CSK: variants seen among roughly 807,000 people sequenced by gnomAD.
The protein encoded by CSK is C-terminal Src kinase.
In CSK, 7 loss-of-function variants were observed where a neutral mutation model predicts 62.3. The observed-to-expected ratio is 0.11, with a 90% CI of 0.06 to 0.21. The LOEUF (loss-of-function observed/expected upper bound fraction) is 0.21. Among genes scored for constraint, CSK ranks in the 10% least tolerant of loss-of-function variants. The probability of loss-of-function intolerance (pLI) is 1.00; values close to 1 mark genes in which losing one functional copy is unlikely to be tolerated. For missense variants in CSK, 294 were observed against 613.5 expected (o/e 0.48, Z 5.50); for synonymous variants, 237 against 246.0 (o/e 0.96, Z 0.34).
At position 74,798,787 on chromosome 15, in the gene CSK, G is replaced by A. The variant is rs1294147495; in HGVS notation, c.130-39G>A. 4.4e-6 allele frequency: 7 copies of A among 1,606,072 alleles called. No individual in the cohort carries two copies. The highest frequency in any genetic ancestry group is 1.3e-5 in the African/African-American group (1 of 74,844). ...GCTGGGCCTTCCCTCTGCAGGGGGA[G>A]GTGGGCCTGAGAGCATGTCTGGGCT... On this transcript the variant is annotated intron_variant, in intron 3 of 12. Coordinates refer to ENST00000220003, the MANE Select transcript of CSK (RefSeq NM_004383.3). This position sits in a 1 kb window ranked among gnomAD's most constrained non-coding sequence, Gnocchi z 6.6.
chr15:74,785,048 G>A (rs1347640750), intron 1 of CSK, among the ~76,000 whole-genome samples: 1 of 152,150 alleles, frequency 6.6e-6, no homozygotes. Flanking sequence ...TCATTTTCTT[G>A]ATTTAGAAAA....
intron 1 of CSK, among the ~76,000 whole-genome samples, chr15:74,795,293 C>T (rs759601631): frequency 6.6e-5 from 10 of 152,228 alleles, no homozygotes; most frequent in Admixed American, 1.3e-4. Context: ...TGTCTTCTCC[C>T]GCGCCACTGC....
chr15:74,794,967 T>C (rs1200175613), intron 1 of CSK, among the ~76,000 whole-genome samples: 1 of 152,134 alleles, frequency 6.6e-6, no homozygotes, highest in Non-Finnish European at 1.5e-5. Flanking sequence ...TCCCCTACAG[T>C]GTCCCCTGAG....
At position 74,800,665 on chromosome 15, in the gene CSK, T is replaced by G. The variant is rs34499151; in HGVS notation, c.557-16T>G. On this transcript the variant is annotated splice_polypyrimidine_tract_variant and intron_variant, in intron 6 of 12. Transcript: ENST00000220003. ...TCCCTAGTGGCCTCCAGGCCCTCAC[T>G]GGCCCCTCCCCACAGGCGGCTGGGC... is the stretch of plus-strand genomic sequence containing the variant. 7 of 1,541,820 alleles carry G rather than the reference T, an allele frequency of 4.5e-6. No homozygotes were observed. Among genetic ancestry groups the G allele is most frequent in the Admixed American group, 2.0e-5 (1 of 50,476 alleles).
Position 74,798,956 on chromosome 15 carries a change from G to C in CSK, c.242+18G>C. On this transcript the variant is annotated intron_variant, in intron 4 of 12. Transcript: ENST00000220003. The surrounding 1 kb of genome is among the most constrained non-coding windows in gnomAD (Gnocchi z 6.6). The stretch of plus-strand genomic sequence containing the variant: ...CTCATGCCGTGAGTACCACGAGGAG[G>C]GGTTGGGGAGGGAAGGGGCCTTGGT... 1 of 1,486,790 alleles carries C rather than the reference G, an allele frequency of 6.7e-7. No homozygotes were observed. The highest frequency in any genetic ancestry group is 8.8e-7 in the Non-Finnish European group (1 of 1,131,028). 92.1% of individuals were successfully genotyped at this position (1,486,790 alleles called of 1,614,324 possible). A position where few individuals can be genotyped will look rare whatever the true frequency, so the allele number is the denominator to read the frequency against.
intron 1 of CSK, among the ~76,000 whole-genome samples, chr15:74,786,013 T>TTTTGTGTG: frequency 8.4e-5 from 4 of 47,836 alleles, no homozygotes; most frequent in African/African-American, 2.0e-4. Context: ...TTTTTTTTTT[T>TTTTGTGTG]TGTGTGTGTG....
At chr15:74,802,193 C>A in intron 12 of CSK, 110 bp downstream of exon 12, 1 of 1,418,082 alleles carries the variant, frequency 7.1e-7, no homozygotes, top group Non-Finnish European at 9.6e-7. Context: ...AAGCCTCAGG[C>A]CTGCCCTGGG....
At position 74,802,463 on chromosome 15, in the gene CSK, C is replaced by G; in HGVS notation, c.1303C>G (p.Gln435Glu). 6 of 1,612,846 alleles carry G rather than the reference C, an allele frequency of 3.7e-6. No homozygotes were observed. The highest frequency in any genetic ancestry group is 5.1e-6 in the Non-Finnish European group (6 of 1,179,778). Reference protein sequence around the residue: ...LDAAMRPSFLQLREQLEHIKT... With the variant: ...LDAAMRPSFLELREQLEHIKT... The stretch of plus-strand genomic sequence containing the variant: ...CGCCGCCATGCGGCCCTCCTTCCTA[C>G]AGCTCCGAGAGCAGCTTGAGCACAT... Residue 435 changes from glutamine to glutamate, a missense_variant, in exon 13 of 13, where the codon CAG becomes GAG. This residue lies in a region of CSK where 66 missense variants were observed against 99.3 expected (regional missense o/e 0.66). Transcript: ENST00000220003.
At chr15:74,786,724 C>T (rs1014657125) in intron 1 of CSK, among the ~76,000 whole-genome samples, 6 of 152,242 alleles carry the variant, frequency 3.9e-5, no homozygotes, top group African/African-American at 7.2e-5. Context: ...ACAGCCACCC[C>T]GTGGGCAGTA....
rs1755941198 is a variant in CSK, at chr15:74,802,469, C to G, written c.1309C>G (p.Arg437Gly). Reference sequence around the variant, plus strand: ...CATGCGGCCCTCCTTCCTACAGCTCCGAGAGCAGCTTGAGCACATCAAAAC... The same window carrying G: ...CATGCGGCCCTCCTTCCTACAGCTCGGAGAGCAGCTTGAGCACATCAAAAC... The part of the protein sequence containing the change: ...AAMRPSFLQL[R>G]EQLEHIKTHE... Residue 437 changes from arginine to glycine, a missense_variant, in exon 13 of 13, where the codon CGA (arginine) becomes GGA (glycine). By Grantham distance (125) the Arg-to-Gly change is moderately radical. Coordinates refer to ENST00000220003, the MANE Select transcript of CSK (RefSeq NM_004383.3). The G allele has an allele frequency of 2.5e-6, 4 of 1,613,058 alleles. No homozygotes were observed. The highest frequency in any genetic ancestry group is 8.5e-7 in the Non-Finnish European group (1 of 1,179,846).
chr15:74,797,490 C>G (rs2063724648), intron 1 of CSK, among the ~76,000 whole-genome samples: 1 of 152,254 alleles, frequency 6.6e-6, no homozygotes, highest in South Asian at 2.1e-4. Context: ...TGCTACTGCA[C>G]TCCAGCCTGG....
intron 9 of CSK, 70 bp downstream of exon 9, chr15:74,801,172 C>G: frequency 6.4e-7 from 1 of 1,554,270 alleles, no homozygotes; most frequent in Non-Finnish European, 8.9e-7. Flanking sequence ...GCTCTAGGGC[C>G]CCTGCTCCCT....
intron 1 of CSK, among the ~76,000 whole-genome samples, chr15:74,792,841 A>C (rs1402611116): frequency 1.3e-5 from 2 of 152,220 alleles, no homozygotes; most frequent in Non-Finnish European, 2.9e-5. Flanking sequence ...GGTTTGGGGC[A>C]GGAAGTCAGC....
intron 1 of CSK, among the ~76,000 whole-genome samples, chr15:74,793,823 A>G (rs1241778826): frequency 6.6e-6 from 1 of 152,054 alleles, no homozygotes; most frequent in African/African-American, 2.4e-5. Context: ...GGTGACTAAC[A>G]GCGCAGCAGC....
intron 9 of CSK, 72 bp downstream of exon 9, chr15:74,801,174 C>T: frequency 6.4e-7 from 1 of 1,551,956 alleles, no homozygotes; most frequent in Non-Finnish European, 8.9e-7. Context: ...TCTAGGGCCC[C>T]TGCTCCCTCA....
Position 74,802,313 on chromosome 15 carries a change from G to T in CSK, c.1171-18G>T. 1 of 1,566,254 alleles carries T rather than the reference G, an allele frequency of 6.4e-7. No homozygotes were observed. The highest frequency in any genetic ancestry group is 1.2e-5 in the South Asian group (1 of 84,598). ...GAGGCCAGGGCCTGGACTGACTCCT[G>T]CCTCCCCCTGGCCACAGCCCCTGAA... On this transcript the variant is annotated intron_variant, in intron 12 of 12. Coordinates refer to ENST00000220003, the MANE Select transcript of CSK (RefSeq NM_004383.3).
intron 5 of CSK, among the ~76,000 whole-genome samples, chr15:74,799,956 C>CCCAGGCCAGCTCTGCCAGCCCTGG (rs2063763521): frequency 6.6e-6 from 1 of 152,176 alleles, no homozygotes; most frequent in Admixed American, 6.5e-5. Context: ...CCTGCAGCTT[C>CCCAGGCCAGCTCTGCCAGCCCTGG]CCAGGCCAGC....
At chr15:74,789,050 C>T (rs568764323) in intron 1 of CSK, among the ~76,000 whole-genome samples, 8 of 152,334 alleles carry the variant, frequency 5.3e-5, no homozygotes, top group African/African-American at 1.7e-4. Flanking sequence ...CCCCATTAGC[C>T]TGCTCTAACC....
At chr15:74,783,326 C>A (rs1208309487) in intron 1 of CSK, among the ~76,000 whole-genome samples, 2 of 152,226 alleles carry the variant, frequency 1.3e-5, no homozygotes, top group African/African-American at 4.8e-5. Context: ...AGCATTAGCA[C>A]CATGCCCCCA....
Sources: allele counts gnomAD v4.1 joint callset (sites outside exome capture counted in the v4.1 genomes callset), GRCh38; gene constraint gnomAD v4.1.1; regional missense constraint gnomAD v4.1.1; non-coding constraint Gnocchi (gnomAD v3.1); transcripts MANE v1.5; gene names NCBI Gene and HGNC (gene_info 2026-07-23, HGNC 2026-07-21).